Variants in TOP1 observed in about 807,000 individuals in gnomAD.
TOP1 encodes DNA topoisomerase 1.
Under a neutral mutation model 111.1 loss-of-function variants are expected in TOP1, and 10 were observed. That is an observed-to-expected ratio of 0.09 (90% CI 0.06 to 0.15). The LOEUF (loss-of-function observed/expected upper bound fraction) is 0.15, where lower values mean the gene tolerates loss of function less well. TOP1 is among the 10% of genes least tolerant of loss of function. The pLI, the probability that TOP1 is intolerant of heterozygous loss-of-function variation, is 1.00. For synonymous variants in TOP1, 271 were observed against 302.9 expected, an observed-to-expected ratio of 0.89 and a Z score of 1.10; for missense variants, 474 against 926.7, an observed-to-expected ratio of 0.51 and a Z score of 6.34.
In TOP1 at chr20:41,082,617, A is replaced by G. The variant is rs1440774515; in HGVS notation, c.507+1377A>G. 6.6e-6 allele frequency among the ~76,000 whole-genome samples: 1 copy of G among 152,214 alleles called. No individual in the cohort carries two copies. ...ATCATATGAAGACCATTAGTGAGTG[A>G]GTTGAGCCATAGAGAGATGATCAGG... On this transcript the variant is annotated intron_variant, in intron 7 of 20. Transcript: ENST00000361337. The surrounding 1 kb of genome is among the most constrained non-coding windows in gnomAD (Gnocchi z 4.1).
At chr20:41,113,651 G>A (rs1468979850) in intron 14 of TOP1, among the ~76,000 whole-genome samples, 1 of 151,144 alleles carries the variant, frequency 6.6e-6, no homozygotes, top group Non-Finnish European at 1.5e-5. Flanking sequence ...GCCAAGGCAG[G>A]TGGAACACGA....
At chr20:41,068,132 T>C (rs1311332253) in intron 3 of TOP1, among the ~76,000 whole-genome samples, 1 of 152,246 alleles carries the variant, frequency 6.6e-6, no homozygotes, top group African/African-American at 2.4e-5. Flanking sequence ...CCCTTACTTG[T>C]ATGCATATGG....
At chr20:41,086,601 A>G (rs1398263296) in intron 8 of TOP1, among the ~76,000 whole-genome samples, 2 of 152,194 alleles carry the variant, frequency 1.3e-5, no homozygotes, top group Admixed American at 6.5e-5. Flanking sequence ...TTGTATGTGT[A>G]GAATTAGGTG....
At chr20:41,105,748 G>C (rs1003447334) in intron 13 of TOP1, among the ~76,000 whole-genome samples, 3 of 152,176 alleles carry the variant, frequency 2.0e-5, no homozygotes, top group South Asian at 2.1e-4. Context: ...GCTCACCTCA[G>C]CTGCACAAAG....
chr20:41,085,082 A>T (rs1025735655), intron 8 of TOP1, among the ~76,000 whole-genome samples: 4 of 27,266 alleles, frequency 1.5e-4, no homozygotes, highest in African/African-American at 1.1e-3. Context: ...CATGCCATTT[A>T]AAAAAAAAAA....
At chr20:41,044,305 C>T (rs1309602453) in intron 2 of TOP1, among the ~76,000 whole-genome samples, 3 of 152,020 alleles carry the variant, frequency 2.0e-5, no homozygotes, top group Non-Finnish European at 4.4e-5. Flanking sequence ...ATGCAATTGC[C>T]CATCTTAAGG....
chr20:41,098,495 T>C lies in TOP1; in HGVS notation c.975+158T>C, dbSNP rs1252158454. On this transcript the variant is annotated intron_variant, in intron 11 of 20. Transcript: ENST00000361337. The surrounding 1 kb of genome is among the most constrained non-coding windows in gnomAD (Gnocchi z 5.7). ...CTCAAAGTCTAAATTTTCTTAAAGGTTTTAGTTAGACTGAAAATTGTGAAC... is the reference window on the plus strand; with the variant it reads ...CTCAAAGTCTAAATTTTCTTAAAGGCTTTAGTTAGACTGAAAATTGTGAAC... 4 of 817,936 alleles carry C rather than the reference T, an allele frequency of 4.9e-6. No individual in the cohort carries two copies. The highest frequency in any genetic ancestry group is 7.4e-6 in the Non-Finnish European group (4 of 542,096). The allele number at this position is 817,936 out of a possible 1,614,324, so 50.7% of individuals were successfully genotyped here.
chr20:41,056,861 G>GC (rs1324305843), intron 2 of TOP1, among the ~76,000 whole-genome samples: 1 of 152,150 alleles, frequency 6.6e-6, no homozygotes, highest in Non-Finnish European at 1.5e-5. Context: ...ATGAGCCACA[G>GC]CCCCGAGTTT....
Position 41,079,352 on chromosome 20 carries a change from C to T in TOP1, c.336-733C>T, listed in dbSNP as rs2033763281. Among the ~76,000 whole-genome samples the T allele has an allele frequency of 6.6e-6, 1 of 152,174 alleles. No homozygotes were observed. Among genetic ancestry groups the T allele is most frequent in the African/African-American group, 2.4e-5 (1 of 41,440 alleles). ...TTGCTGGGCTCTATGGTGTTTTTTA[C>T]TTGTTCCTTCTCTGTTTTGGTTCAA... On this transcript the variant is annotated intron_variant, in intron 5 of 20. Transcript: ENST00000361337. This position sits in a 1 kb window ranked among gnomAD's most constrained non-coding sequence, Gnocchi z 4.0.
chr20:41,089,618 G>A (rs1049490191), intron 8 of TOP1, among the ~76,000 whole-genome samples: 5 of 152,124 alleles, frequency 3.3e-5, no homozygotes, highest in Admixed American at 6.5e-5. Flanking sequence ...TGAAACATTC[G>A]TGTACAAGTA....
In TOP1 at chr20:41,079,969, T is replaced by G; in HGVS notation, c.336-116T>G. 1 of 686,734 alleles carries G rather than the reference T, an allele frequency of 1.5e-6. No individual in the cohort carries two copies. The highest frequency in any genetic ancestry group is 1.8e-5 in the African/African-American group (1 of 54,910). 42.5% of individuals were successfully genotyped at this position (686,734 alleles called of 1,614,324 possible). The stretch of plus-strand genomic sequence containing the variant: ...GCTCACAGAACATCTTCATGATATG[T>G]ACGTGGTTATCCTTATTTCTGTTAG... On this transcript the variant is annotated intron_variant, in intron 5 of 20. Coordinates refer to ENST00000361337, the MANE Select transcript of TOP1 (RefSeq NM_003286.4). The surrounding 1 kb of genome is among the most constrained non-coding windows in gnomAD (Gnocchi z 4.0).
chr20:41,039,580 G>T (rs2033234340), intron 2 of TOP1, among the ~76,000 whole-genome samples: 1 of 151,860 alleles, frequency 6.6e-6, no homozygotes, highest in Admixed American at 6.6e-5. Flanking sequence ...TTATCTTTTT[G>T]TATCAGACAT....
rs530016145 is a variant in TOP1, at chr20:41,073,385, A to AAAAG, written c.156-2774_156-2771dup. Reference sequence around the variant, plus strand: ...CATGGGAAGACAATGAAAAAAAAAAAAAAGAAAGAAAGAAAAGAAAAGAAA... The same window carrying AAAAG: ...CATGGGAAGACAATGAAAAAAAAAAAAAAGAAAGAAAGAAAGAAAAGAAAAGAAA... On this transcript the variant is annotated intron_variant, in intron 3 of 20. Transcript: ENST00000361337. 1.3e-4 allele frequency: 132 copies of AAAAG among 984,118 alleles called. No homozygotes were observed. In the African/African-American group the frequency reaches 2.1e-3, roughly 16 times the overall value. 61.0% of individuals were successfully genotyped at this position (984,118 alleles called of 1,614,324 possible).
chr20:41,032,978 G>T lies in TOP1; in HGVS notation c.58+3523G>T, dbSNP rs897543973. ...TACTTAAGCATTATGCTCCAGGGTG[G>T]TTTTCTTCCCTTACATTGCAACTGG... On this transcript the variant is annotated intron_variant, in intron 2 of 20. Coordinates refer to ENST00000361337, the MANE Select transcript of TOP1 (RefSeq NM_003286.4). The surrounding 1 kb of genome is among the most constrained non-coding windows in gnomAD (Gnocchi z 4.3). 6.6e-6 allele frequency among the ~76,000 whole-genome samples: 1 copy of T among 152,082 alleles called. No homozygotes were observed. Among genetic ancestry groups the T allele is most frequent in the Non-Finnish European group, 1.5e-5 (1 of 68,006 alleles).
At chr20:41,107,890 C>A (rs2034172644) in intron 13 of TOP1, among the ~76,000 whole-genome samples, 1 of 152,182 alleles carries the variant, frequency 6.6e-6, no homozygotes, top group Non-Finnish European at 1.5e-5. Flanking sequence ...GCTAATAAGG[C>A]CCCTGACTTC....
intron 3 of TOP1, among the ~76,000 whole-genome samples, chr20:41,063,086 T>TA (rs2033565255): frequency 2.6e-5 from 4 of 152,184 alleles, no homozygotes; most frequent in Admixed American, 2.6e-4. Context: ...TTTCAACCCT[T>TA]ACCGCCCTCT....
chr20:41,101,875 G>A lies in TOP1; in HGVS notation c.1308+522G>A, dbSNP rs1568698694. On this transcript the variant is annotated intron_variant, in intron 13 of 20. Coordinates refer to ENST00000361337, the MANE Select transcript of TOP1 (RefSeq NM_003286.4). This position sits in a 1 kb window ranked among gnomAD's most constrained non-coding sequence, Gnocchi z 4.1. ...CACCAGGGCCAAATGAAATGTGTGT[G>A]AAAGCACATCATAAAACTGTGTTAC... Among the ~76,000 whole-genome samples the A allele has an allele frequency of 6.6e-6, 1 of 152,226 alleles. No homozygotes were observed. The highest frequency in any genetic ancestry group is 1.5e-5 in the Non-Finnish European group (1 of 68,036).
At position 41,032,306 on chromosome 20, in the gene TOP1, T is replaced by C. The variant is rs987613208; in HGVS notation, c.58+2851T>C. ...TAAAATTGTAGCTCTTTGCATGTAATTTAGAACATTCTGACCCATACTCAA... is the reference window on the plus strand; with the variant it reads ...TAAAATTGTAGCTCTTTGCATGTAACTTAGAACATTCTGACCCATACTCAA... On this transcript the variant is annotated intron_variant, in intron 2 of 20. Coordinates refer to ENST00000361337, the MANE Select transcript of TOP1 (RefSeq NM_003286.4). The surrounding 1 kb of genome is among the most constrained non-coding windows in gnomAD (Gnocchi z 4.3). Among the ~76,000 whole-genome samples the C allele has an allele frequency of 2.0e-5, 3 of 152,096 alleles. No individual in the cohort carries two copies. Among genetic ancestry groups the C allele is most frequent in the Admixed American group, 6.6e-5 (1 of 15,260 alleles).
intron 2 of TOP1, among the ~76,000 whole-genome samples, chr20:41,038,595 T>C (rs1417853254): frequency 6.6e-6 from 1 of 152,194 alleles, no homozygotes; most frequent in Non-Finnish European, 1.5e-5. Context: ...AGGAGGGTAC[T>C]GACTTGCTTT....
Sources: allele counts gnomAD v4.1 joint callset (sites outside exome capture counted in the v4.1 genomes callset), GRCh38; gene constraint gnomAD v4.1.1; non-coding constraint Gnocchi (gnomAD v3.1); transcripts MANE v1.5; gene names NCBI Gene and HGNC (gene_info 2026-07-23, HGNC 2026-07-21).